The following ARL15 variants were observed in gnomAD, a reference collection of about 807,000 sequenced individuals.
ARL15 encodes the protein ADP-ribosylation factor-like protein 15.
In ARL15, 19 loss-of-function variants were observed where a neutral mutation model predicts 25.2. That is an observed-to-expected ratio of 0.75 (90% CI 0.53 to 1.10). ARL15 has a LOEUF of 1.10. ARL15 is among the 50% of genes least tolerant of loss of function. The pLI, the probability that ARL15 is intolerant of heterozygous loss-of-function variation, is 0.00. For missense variants in ARL15, 220 were observed against 246.0 expected (o/e 0.89, Z 0.71); for synonymous variants, 94 against 86.8 (o/e 1.08, Z -0.46).
chr5:54,225,481 C>T (rs1403982378), intron 1 of ARL15, among the ~76,000 whole-genome samples: 3 of 152,072 alleles, frequency 2.0e-5, no homozygotes, highest in African/African-American at 2.4e-5. Flanking sequence ...GGAGAAGATA[C>T]TACTTGGCCA....
intron 1 of ARL15, among the ~76,000 whole-genome samples, chr5:54,203,899 G>C (rs898279565): frequency 6.6e-6 from 1 of 152,070 alleles, no homozygotes; most frequent in African/African-American, 2.4e-5. Flanking sequence ...CTACAGGCAG[G>C]GGCAGGAGGG....
At chr5:54,081,694 C>T (rs957379382) in intron 4 of ARL15, among the ~76,000 whole-genome samples, 6 of 152,182 alleles carry the variant, frequency 3.9e-5, no homozygotes, top group African/African-American at 1.2e-4. Context: ...TCGCCTTCTG[C>T]CATAAATGTA....
intron 4 of ARL15, among the ~76,000 whole-genome samples, chr5:53,907,598 C>T (rs1199170795): frequency 7.0e-6 from 1 of 142,868 alleles, no homozygotes; most frequent in African/African-American, 2.6e-5. Context: ...CCTGGGTTCA[C>T]GCCATTCTCC....
intron 1 of ARL15, among the ~76,000 whole-genome samples, chr5:54,282,882 T>C (rs1208004892): frequency 6.6e-6 from 1 of 152,230 alleles, no homozygotes; most frequent in African/African-American, 2.4e-5. Context: ...TCACAACTTC[T>C]AACTCCCAAA....
At chr5:54,062,021 T>G (rs554450263) in intron 4 of ARL15, among the ~76,000 whole-genome samples, 2 of 152,330 alleles carry the variant, frequency 1.3e-5, no homozygotes, top group African/African-American at 4.8e-5. Context: ...ATATGACACA[T>G]GGACTCAAAG....
intron 4 of ARL15, among the ~76,000 whole-genome samples, chr5:53,975,895 ACAAAAATGG>A (rs1197670770): frequency 2.0e-5 from 3 of 152,138 alleles, no homozygotes; most frequent in Non-Finnish European, 4.4e-5. Flanking sequence ...AGCTATAATA[ACAAAAATGG>A]CAAAAAGGAT....
intron 4 of ARL15, among the ~76,000 whole-genome samples, chr5:53,978,071 T>C (rs1748001024): frequency 6.6e-6 from 1 of 152,074 alleles, no homozygotes; most frequent in Admixed American, 6.5e-5. Context: ...TCCAAAAAGG[T>C]CTAGGTCATG....
At chr5:54,091,178 T>C (rs1752116718) in intron 4 of ARL15, among the ~76,000 whole-genome samples, 1 of 152,184 alleles carries the variant, frequency 6.6e-6, no homozygotes, top group Non-Finnish European at 1.5e-5. Context: ...TGTACTACCA[T>C]CTACCATAAT....
At chr5:54,180,055 T>G (rs1755011314) in intron 1 of ARL15, among the ~76,000 whole-genome samples, 1 of 149,778 alleles carries the variant, frequency 6.7e-6, no homozygotes. Context: ...CCATGTGAGC[T>G]GCAGAGATTT....
intron 4 of ARL15, among the ~76,000 whole-genome samples, chr5:53,995,037 G>A (rs779576105): frequency 3.3e-5 from 5 of 152,052 alleles, no homozygotes; most frequent in African/African-American, 4.8e-5. Flanking sequence ...GAGGCTGGGC[G>A]CGGTGGCTCA....
At chr5:54,212,238 C>T (rs1429791772) in intron 1 of ARL15, among the ~76,000 whole-genome samples, 1 of 152,192 alleles carries the variant, frequency 6.6e-6, no homozygotes, top group African/African-American at 2.4e-5. Flanking sequence ...ACCAAAATGT[C>T]AATCCCTGGT....
chr5:54,052,778 G>A (rs530878475), intron 4 of ARL15, among the ~76,000 whole-genome samples: 4 of 151,970 alleles, frequency 2.6e-5, no homozygotes, highest in South Asian at 2.1e-4. Context: ...CACAGAGTTC[G>A]CTCTATCAGC....
At chr5:54,027,833 C>G (rs1749831150) in intron 4 of ARL15, among the ~76,000 whole-genome samples, 1 of 152,140 alleles carries the variant, frequency 6.6e-6, no homozygotes, top group South Asian at 2.1e-4. Flanking sequence ...TTGCGCTGAA[C>G]ATTCCCAGAA....
At chr5:54,170,245 C>G (rs1754676715) in intron 2 of ARL15, among the ~76,000 whole-genome samples, 1 of 152,262 alleles carries the variant, frequency 6.6e-6, no homozygotes, top group Admixed American at 6.5e-5. Context: ...CCTTCCTCTT[C>G]TTCCCCCTGT....
intron 1 of ARL15, among the ~76,000 whole-genome samples, chr5:54,252,968 ACCC>A (rs1757275294): frequency 6.6e-6 from 1 of 151,294 alleles, no homozygotes; most frequent in South Asian, 2.1e-4. Context: ...CAGGTGATCC[ACCC>A]GCCTTAGCCT....
chr5:54,010,729 A>C (rs1016668094), intron 4 of ARL15, among the ~76,000 whole-genome samples: 1 of 152,172 alleles, frequency 6.6e-6, no homozygotes, highest in Non-Finnish European at 1.5e-5. Context: ...TAAAAAAATC[A>C]GGCCGGGGGC....
At chr5:54,119,857 C>T (rs1315061105) in intron 3 of ARL15, among the ~76,000 whole-genome samples, 1 of 152,172 alleles carries the variant, frequency 6.6e-6, no homozygotes, top group Non-Finnish European at 1.5e-5. Context: ...TTGCCTACTC[C>T]ACCAAGCTTT....
At chr5:53,914,141 ACACACACTCT>A (rs1476468626) in intron 4 of ARL15, among the ~76,000 whole-genome samples, 17 of 148,444 alleles carry the variant, frequency 1.1e-4, no homozygotes, top group Admixed American at 4.1e-4. Context: ...ACAGGCCCAC[ACACACACTCT>A]CACACACACA....
At chr5:54,204,820 C>T (rs962155097) in intron 1 of ARL15, among the ~76,000 whole-genome samples, 2 of 152,124 alleles carry the variant, frequency 1.3e-5, no homozygotes, top group African/African-American at 4.8e-5. Context: ...TAGTAGTTAT[C>T]GCTCAGAATC....
Sources: allele counts gnomAD v4.1 joint callset (sites outside exome capture counted in the v4.1 genomes callset), GRCh38; gene constraint gnomAD v4.1.1; transcripts MANE v1.5; gene names NCBI Gene and HGNC (gene_info 2026-07-23, HGNC 2026-07-21).